Variants in CDH18 observed in about 807,000 individuals in gnomAD.
CDH18 encodes cadherin 18.
In CDH18, 31 loss-of-function variants were observed where a neutral mutation model predicts 67.9. The observed-to-expected ratio is 0.46, with a 90% CI of 0.34 to 0.62. CDH18 has a LOEUF of 0.62. Ranked by LOEUF, CDH18 falls within the 20% of genes least tolerant of loss-of-function variation. The pLI is 0.01. For missense variants in CDH18, 890 were observed against 975.5 expected, an observed-to-expected ratio of 0.91 and a Z score of 1.17; for synonymous variants, 362 against 347.2, an observed-to-expected ratio of 1.04 and a Z score of -0.48.
intron 1 of CDH18, among the ~76,000 whole-genome samples, chr5:20,551,589 G>A (rs943793483): frequency 1.3e-5 from 2 of 152,100 alleles, no homozygotes; most frequent in Admixed American, 1.3e-4. Context: ...TTGGAGTTGA[G>A]TAACAACTCA....
intron 2 of CDH18, among the ~76,000 whole-genome samples, chr5:20,095,866 T>G (rs969111450): frequency 6.6e-6 from 1 of 150,740 alleles, no homozygotes; most frequent in South Asian, 2.1e-4. Context: ...GAATAAAAAA[T>G]AAAATAATTT....
chr5:19,921,982 G>A (rs1792532296), intron 2 of CDH18, among the ~76,000 whole-genome samples: 1 of 152,002 alleles, frequency 6.6e-6, no homozygotes, highest in Non-Finnish European at 1.5e-5. Context: ...GGGTAGGTCT[G>A]TCACACGTCT....
chr5:19,888,590 T>G (rs1005351555), intron 2 of CDH18, among the ~76,000 whole-genome samples: 1 of 152,090 alleles, frequency 6.6e-6, no homozygotes, highest in African/African-American at 2.4e-5. Flanking sequence ...AAAATTAGTG[T>G]TTGCATTGTG....
At chr5:20,473,514 C>T (rs1752231380) in intron 1 of CDH18, among the ~76,000 whole-genome samples, 1 of 151,882 alleles carries the variant, frequency 6.6e-6, no homozygotes, top group Non-Finnish European at 1.5e-5. Flanking sequence ...TTTCTTTTTG[C>T]TATTTTACTA....
intron 5 of CDH18, among the ~76,000 whole-genome samples, chr5:19,685,101 T>C (rs546151787): frequency 1.1e-4 from 17 of 152,302 alleles, no homozygotes; most frequent in Middle Eastern, 3.4e-3. Flanking sequence ...AACCTACTTC[T>C]GTGGAACCAA....
At chr5:20,366,339 C>A (rs1004772227) in intron 1 of CDH18, among the ~76,000 whole-genome samples, 1 of 152,180 alleles carries the variant, frequency 6.6e-6, no homozygotes, top group African/African-American at 2.4e-5. Flanking sequence ...TCCTGAGTAT[C>A]TTTTGAGTCT....
chr5:19,809,727 G>C (rs1489775913), intron 3 of CDH18, among the ~76,000 whole-genome samples: 1 of 152,072 alleles, frequency 6.6e-6, no homozygotes, highest in African/African-American at 2.4e-5. Context: ...CAGTAGTTAA[G>C]AATTAAATCC....
In CDH18 at chr5:20,275,587, A is replaced by T. The variant is rs543261263; in HGVS notation, c.-579-20082T>A. On this transcript the variant is annotated intron_variant, in intron 1 of 14. Coordinates refer to the CDH18 transcript ENST00000507958. ...CATTTTCCATGAATAATAATCAATT[A>T]TTTTTTGTGTTCTGAGTACATTAAG... is the stretch of plus-strand genomic sequence containing the variant. Among the ~76,000 whole-genome samples, 6 of 152,286 alleles carry T rather than the reference A, an allele frequency of 3.9e-5. No homozygotes were observed. In the East Asian group the frequency reaches 1.2e-3, roughly 29 times the overall value.
chr5:20,019,708 A>G (rs1407160871), intron 2 of CDH18, among the ~76,000 whole-genome samples: 1 of 152,134 alleles, frequency 6.6e-6, no homozygotes, highest in Non-Finnish European at 1.5e-5. Flanking sequence ...TTTATAAATT[A>G]CCCAGTCTCA....
At chr5:20,046,679 T>C (rs957903705) in intron 2 of CDH18, among the ~76,000 whole-genome samples, 47 of 149,742 alleles carry the variant, frequency 3.1e-4, no homozygotes, top group African/African-American at 1.1e-3. Context: ...TGTGTGTGTA[T>C]ATATATATCT....
intron 1 of CDH18, among the ~76,000 whole-genome samples, chr5:20,319,262 A>G (rs925221188): frequency 2.6e-5 from 4 of 152,064 alleles, no homozygotes; most frequent in Non-Finnish European, 5.9e-5. Context: ...TGTTTTACCA[A>G]CCTTCTACTA....
intron 2 of CDH18, among the ~76,000 whole-genome samples, chr5:20,083,583 CT>C (rs1744677457): frequency 6.6e-6 from 1 of 152,164 alleles, no homozygotes; most frequent in South Asian, 2.1e-4. Context: ...CTCAGGCCCC[CT>C]ATTCACTGAC....
At chr5:19,831,870 T>C (rs955308304) in intron 3 of CDH18, among the ~76,000 whole-genome samples, 5 of 151,974 alleles carry the variant, frequency 3.3e-5, no homozygotes, top group Non-Finnish European at 7.4e-5. Context: ...TGTCCCTCAA[T>C]GGTGGATTAA....
chr5:20,165,793 T>C (rs1374293680), intron 2 of CDH18, among the ~76,000 whole-genome samples: 2 of 152,194 alleles, frequency 1.3e-5, no homozygotes, highest in African/African-American at 2.4e-5. Flanking sequence ...AATCACATGA[T>C]AACACATGTA....
At chr5:19,493,517 T>C (rs914976654) in intron 11 of CDH18, among the ~76,000 whole-genome samples, 17 of 149,852 alleles carry the variant, frequency 1.1e-4, no homozygotes, top group African/African-American at 4.2e-4. Context: ...TAGCTTAAAA[T>C]GTCAGCCCGA....
intron 1 of CDH18, among the ~76,000 whole-genome samples, chr5:20,458,301 T>C (rs558950704): frequency 3.3e-5 from 5 of 152,220 alleles, no homozygotes; most frequent in African/African-American, 7.2e-5. Flanking sequence ...ACCATACTTA[T>C]ATATGTAATA....
chr5:19,718,409 G>A (rs1448689131), intron 5 of CDH18, among the ~76,000 whole-genome samples: 1 of 151,806 alleles, frequency 6.6e-6, no homozygotes, highest in Non-Finnish European at 1.5e-5. Flanking sequence ...TATATAACAT[G>A]CCATCCAACT....
intron 9 of CDH18, among the ~76,000 whole-genome samples, chr5:19,539,593 C>T (rs1749926265): frequency 6.6e-6 from 1 of 152,150 alleles, no homozygotes; most frequent in Non-Finnish European, 1.5e-5. Context: ...TTGTATTAGT[C>T]TGTTCTCACA....
intron 2 of CDH18, among the ~76,000 whole-genome samples, chr5:20,098,360 G>A (rs975218671): frequency 1.6e-4 from 24 of 151,788 alleles, no homozygotes; most frequent in Non-Finnish European, 2.7e-4. Flanking sequence ...ATTTTATATA[G>A]ACACTGTGTA....
Sources: gnomAD v4.1 joint callset for allele counts (sites outside exome capture counted in the v4.1 genomes callset) on GRCh38, gnomAD v4.1.1 for gene constraint, MANE v1.5 for transcripts, NCBI Gene and HGNC (gene_info 2026-07-23, HGNC 2026-07-21) for gene names.